Variants in PTPRM observed in about 807,000 individuals in gnomAD.
PTPRM encodes the protein protein tyrosine phosphatase receptor type M, also known as receptor-type tyrosine-protein phosphatase mu.
PTPRM carries 47 observed loss-of-function variants against 186.7 expected under a neutral mutation model. The ratio of observed to expected loss-of-function variants is 0.25; its 90% CI spans 0.20 to 0.32. The LOEUF (loss-of-function observed/expected upper bound fraction) is 0.32. Ranked by LOEUF, PTPRM falls within the 10% of genes least tolerant of loss-of-function variation. The pLI, the probability that PTPRM is intolerant of heterozygous loss-of-function variation, is 1.00. For synonymous variants in PTPRM, 668 were observed against 674.9 expected (o/e 0.99, Z 0.16); for missense variants, 1,494 against 1,865.0 (o/e 0.80, Z 3.66).
intron 8 of PTPRM, among the ~76,000 whole-genome samples, chr18:8,073,675 G>A (rs2089628692): frequency 6.6e-6 from 1 of 152,302 alleles, no homozygotes. Context: ...GGCCAACACA[G>A]GAGGGGACCA....
At position 8,380,444 on chromosome 18, in the gene PTPRM, T is replaced by C. The variant is rs757892845; in HGVS notation, c.3918+17T>C. The C allele has an allele frequency of 3.7e-6, 6 of 1,613,940 alleles. No homozygotes were observed. The highest frequency in any genetic ancestry group is 1.1e-5 in the South Asian group (1 of 91,074). ...CCTGCCCAGGTGAGACCCGGACTTCTTACAGTCAGAACTAGTGCCAGGGGG... is the reference window on the plus strand; with the variant it reads ...CCTGCCCAGGTGAGACCCGGACTTCCTACAGTCAGAACTAGTGCCAGGGGG... On this transcript the variant is annotated intron_variant, in intron 29 of 32. Transcript: ENST00000580170.
chr18:8,035,182 C>T (rs749577503), intron 7 of PTPRM, among the ~76,000 whole-genome samples: 34 of 152,302 alleles, frequency 2.2e-4, no homozygotes, highest in Middle Eastern at 3.4e-3. Context: ...TTTCTCAATT[C>T]GTCTCTTTTC....
At chr18:7,837,599 C>A (rs1422263650) in intron 2 of PTPRM, among the ~76,000 whole-genome samples, 1 of 152,040 alleles carries the variant, frequency 6.6e-6, no homozygotes, top group Non-Finnish European at 1.5e-5. Context: ...GGACTACAGG[C>A]GCATGCCACC....
chr18:8,282,219 T>C (rs908369279), intron 19 of PTPRM, among the ~76,000 whole-genome samples: 1 of 152,124 alleles, frequency 6.6e-6, no homozygotes, highest in Admixed American at 6.6e-5. Context: ...ATGACCATGA[T>C]GAGGTACATC....
At chr18:8,271,701 T>G (rs2094773108) in intron 19 of PTPRM, among the ~76,000 whole-genome samples, 1 of 152,172 alleles carries the variant, frequency 6.6e-6, no homozygotes, top group South Asian at 2.1e-4. Flanking sequence ...TCATTTTTCT[T>G]GAGTTAATTT....
rs1230883241 is a variant in PTPRM at position 7,842,945 on chromosome 18, T to TAGAG, written c.197-45160_197-45159insGAGA. Among the ~76,000 whole-genome samples, 158 of 115,120 alleles carry TAGAG rather than the reference T, an allele frequency of 1.4e-3. 2 individuals are homozygous for TAGAG. Among genetic ancestry groups the TAGAG allele is most frequent in the East Asian group, 7.9e-3 (22 of 2,788 alleles). The allele number at this position is 115,120 out of a possible 152,430, so 75.5% of individuals were successfully genotyped here. On this transcript the variant is annotated intron_variant, in intron 2 of 32. Coordinates refer to ENST00000580170, the MANE Select transcript of PTPRM (RefSeq NM_001105244.2). ...GTGTGTGTGTGTATATATATATATA[T>TAGAG]ATAGAGAGAGAGAGAGAGAGAGAGA...
intron 7 of PTPRM, among the ~76,000 whole-genome samples, chr18:8,065,441 G>A (rs898152658): frequency 2.0e-5 from 3 of 152,088 alleles, no homozygotes; most frequent in African/African-American, 4.8e-5. Context: ...TGGGAGAGTC[G>A]GTAAGAGCTC....
Position 8,094,629 on chromosome 18 carries a change from T to C in PTPRM, c.1856+5778T>C, listed in dbSNP as rs1472033615. On this transcript the variant is annotated intron_variant, in intron 11 of 32. Transcript: ENST00000580170. ...AAATAAAATAAATCAATATATGGTT[T>C]CCAGATCTAAATAATGCTTACTCTA... 2.0e-5 allele frequency among the ~76,000 whole-genome samples: 3 copies of C among 152,086 alleles called. No individual in the cohort carries two copies. The East Asian group carries it at 5.8e-4, about 29-fold the overall frequency.
At chr18:8,256,278 G>A (rs576799886) in intron 19 of PTPRM, among the ~76,000 whole-genome samples, 9 of 152,222 alleles carry the variant, frequency 5.9e-5, no homozygotes, top group African/African-American at 1.9e-4. Flanking sequence ...TCTGGCACCC[G>A]ACTGCCTGTA....
chr18:7,751,687 A>T (rs1260827899), intron 1 of PTPRM, among the ~76,000 whole-genome samples: 2 of 152,180 alleles, frequency 1.3e-5, no homozygotes, highest in Admixed American at 6.5e-5. Flanking sequence ...GTGTTGCTAC[A>T]TCCTGATAGA....
chr18:7,907,922 T>A (rs1351517427), intron 4 of PTPRM, among the ~76,000 whole-genome samples: 1 of 152,134 alleles, frequency 6.6e-6, no homozygotes, highest in East Asian at 1.9e-4. Context: ...GTTAGATATT[T>A]TAGGTCAATC....
At chr18:7,866,735 A>G (rs2047722206) in intron 2 of PTPRM, among the ~76,000 whole-genome samples, 1 of 152,144 alleles carries the variant, frequency 6.6e-6, no homozygotes, top group Non-Finnish European at 1.5e-5. Context: ...CAAGTCCTGA[A>G]TATCCTTGTT....
chr18:8,339,418 C>T (rs2095460756), intron 22 of PTPRM, among the ~76,000 whole-genome samples: 1 of 152,132 alleles, frequency 6.6e-6, no homozygotes. Context: ...TGTAAACGCA[C>T]CACCACAGCA....
chr18:8,369,246 C>G (rs114995123), intron 23 of PTPRM, among the ~76,000 whole-genome samples: 3,162 of 152,274 alleles, frequency 0.021, 41 homozygotes, highest in Middle Eastern at 0.041. Context: ...TTTAAAAACT[C>G]GTTCTTACCT....
chr18:7,736,075 G>A (rs1010388231), intron 1 of PTPRM, among the ~76,000 whole-genome samples: 1 of 152,088 alleles, frequency 6.6e-6, no homozygotes, highest in African/African-American at 2.4e-5. Flanking sequence ...TCCGAAGGCT[G>A]TGTCACAGGT....
chr18:7,626,830 C>T (rs961342800), intron 1 of PTPRM, among the ~76,000 whole-genome samples: 5 of 152,174 alleles, frequency 3.3e-5, no homozygotes, highest in African/African-American at 1.2e-4. Context: ...GCTGGGACTG[C>T]TCCTGAGTAT....
intron 14 of PTPRM, among the ~76,000 whole-genome samples, chr18:8,242,320 C>A (rs12953765): frequency 0.39 from 58,546 of 152,052 alleles, 12,186 homozygotes; most frequent in Middle Eastern, 0.54. Flanking sequence ...CTGAGGAGAC[C>A]TGGCCTGAGA....
chr18:8,123,315 G>T (rs986365530), intron 13 of PTPRM, among the ~76,000 whole-genome samples: 1 of 152,160 alleles, frequency 6.6e-6, no homozygotes, highest in Non-Finnish European at 1.5e-5. Context: ...ATTGTTTTTT[G>T]TGTGTGAAAC....
intron 5 of PTPRM, among the ~76,000 whole-genome samples, chr18:7,937,647 G>T (rs534789613): frequency 1.3e-5 from 2 of 152,204 alleles, no homozygotes; most frequent in South Asian, 2.1e-4. Context: ...ACACCCCAAG[G>T]ATCCCATAAC....
Sources: allele counts gnomAD v4.1 joint callset (sites outside exome capture counted in the v4.1 genomes callset), GRCh38; gene constraint gnomAD v4.1.1; transcripts MANE v1.5; gene names NCBI Gene and HGNC (gene_info 2026-07-23, HGNC 2026-07-21).